The following KANK3 variants were observed in gnomAD, a reference collection of about 807,000 sequenced individuals.
The protein encoded by KANK3 is KN motif and ankyrin repeat domain-containing protein 3.
A neutral mutation model predicts 65.4 loss-of-function variants in KANK3; 61 were observed. The ratio of observed to expected loss-of-function variants is 0.93; its 90% CI spans 0.76 to 1.15. The LOEUF (loss-of-function observed/expected upper bound fraction) is 1.15. Among genes scored for constraint, KANK3 ranks in the 50% most tolerant of loss-of-function variants. The pLI is 0.00. For synonymous variants in KANK3, 586 were observed against 543.3 expected, an observed-to-expected ratio of 1.08 and a Z score of -1.09; for missense variants, 1,187 against 1,178.8, an observed-to-expected ratio of 1.01 and a Z score of -0.10.
At position 8,333,884 on chromosome 19, in the gene KANK3, C is replaced by A; in HGVS notation, c.1634+26G>T. The A allele has an allele frequency of 6.4e-7, 1 of 1,565,880 alleles. No homozygotes were observed. Among genetic ancestry groups the A allele is most frequent in the Non-Finnish European group, 8.6e-7 (1 of 1,157,478 alleles). On this transcript the variant is annotated intron_variant, in intron 5 of 10. Coordinates refer to ENST00000330915, the MANE Select transcript of KANK3 (RefSeq NM_198471.3). The surrounding 1 kb of genome is among the most constrained non-coding windows in gnomAD (Gnocchi z 5.0). ...CAGGAGGAGGGCAGCCGCCTCCTCTCCAAACAACTAGCGAGCGCCGCTCAC... is the reference window on the plus strand; with the variant it reads ...CAGGAGGAGGGCAGCCGCCTCCTCTACAAACAACTAGCGAGCGCCGCTCAC...
At chr19:8,332,410 T>C (rs928050271) in intron 7 of KANK3, among the ~76,000 whole-genome samples, 1 of 151,458 alleles carries the variant, frequency 6.6e-6, no homozygotes. Context: ...ACTCCTGACC[T>C]CAAGTGATCT....
At position 8,325,296 on chromosome 19, in the gene KANK3, C is replaced by CTTTTTTTTTTTTTTTTTTTTTT. The variant is rs573315741; in HGVS notation, c.1937-222_1937-201dup. On this transcript the variant is annotated intron_variant, in intron 7 of 10. Coordinates refer to ENST00000330915, the MANE Select transcript of KANK3 (RefSeq NM_198471.3). The stretch of plus-strand genomic sequence containing the variant: ...TCAGTGAAGGACCTTCCTGTTTCAT[C>CTTTTTTTTTTTTTTTTTTTTTT]TTTTTTTTTTTTTTTTTTTTTTTTT... Among the ~76,000 whole-genome samples, 10 of 78,634 alleles carry CTTTTTTTTTTTTTTTTTTTTTT rather than the reference C, an allele frequency of 1.3e-4. 1 individual carries two copies. The highest frequency in any genetic ancestry group is 3.2e-4 in the African/African-American group (6 of 18,658). The allele number at this position is 78,634 out of a possible 152,430, so 51.6% of individuals were successfully genotyped here.
rs140941621 is a variant in KANK3 at position 8,327,238 on chromosome 19, C to T, written c.1937-2142G>A. On this transcript the variant is annotated intron_variant, in intron 7 of 10. Coordinates refer to ENST00000330915, the MANE Select transcript of KANK3 (RefSeq NM_198471.3). ...AATGGAGGCCAGGCATGGTGACTAA[C>T]GCCTGTACACCCAAATGCTTAGGGA... Among the ~76,000 whole-genome samples, 546 of 152,188 alleles carry T rather than the reference C, an allele frequency of 3.6e-3. 1 individual carries two copies. The highest frequency in any genetic ancestry group is 5.3e-3 in the Non-Finnish European group (360 of 68,014).
At position 8,335,638 on chromosome 19, in the gene KANK3, G is replaced by A. The variant is rs980515808; in HGVS notation, c.189C>T (p.Arg63=). 8 of 1,245,284 alleles carry A rather than the reference G, an allele frequency of 6.4e-6. No homozygotes were observed. The highest frequency in any genetic ancestry group is 4.2e-5 in the Admixed American group (1 of 23,662). 77.1% of individuals were successfully genotyped at this position (1,245,284 alleles called of 1,614,324 possible). The change falls in exon 3 of 11, where the codon CGC becomes CGT. Residue 63 remains arginine, a synonymous_variant. Transcript: ENST00000330915. ...EELERGPAAR[R]APGPPTSRRP... ...GGCGCGAGGTCGGGGGTCCCGGGGC[G>A]CGGCGGGCAGCGGGGCCACGCTCCA...
chr19:8,337,775 C>T lies in KANK3; in HGVS notation c.34+20G>A. On this transcript the variant is annotated intron_variant, in intron 2 of 10. Transcript: ENST00000330915. ...TGTGCATGCGCACACACACACACAT[C>T]TCTCTTTTTGCACACTCACCGGGCA... The T allele has an allele frequency of 6.2e-7, 1 of 1,612,286 alleles. No individual in the cohort carries two copies. The highest frequency in any genetic ancestry group is 8.5e-7 in the Non-Finnish European group (1 of 1,179,932).
chr19:8,329,604 C>T (rs1234691815), intron 7 of KANK3, among the ~76,000 whole-genome samples: 2 of 151,362 alleles, frequency 1.3e-5, no homozygotes, highest in Non-Finnish European at 2.9e-5. Context: ...CTGTCCCCAT[C>T]TAGAAACAGG....
At position 8,335,470 on chromosome 19, in the gene KANK3, C is replaced by G; in HGVS notation, c.357G>C (p.Leu119=). Reference sequence around the variant, plus strand: ...GGTTGCGCACGGGCGCGCGCGGCGACAGCGGCTGCATCAGGAGCCCCGAGG... The same window carrying G: ...GGTTGCGCACGGGCGCGCGCGGCGAGAGCGGCTGCATCAGGAGCCCCGAGG... ...GAPSGLLMQP[L]SPRAPVRNPR... Residue 119 remains leucine (L), a synonymous_variant, in exon 3 of 11, where the codon CTG becomes CTC. Transcript: ENST00000330915. The G allele has an allele frequency of 8.1e-7, 1 of 1,235,398 alleles. No homozygotes were observed. The highest frequency in any genetic ancestry group is 1.0e-6 in the Non-Finnish European group (1 of 986,146). The allele number at this position is 1,235,398 out of a possible 1,614,324, so 76.5% of individuals were successfully genotyped here.
At position 8,341,572 on chromosome 19, in the gene KANK3, G is replaced by A. The variant is rs571977016; in HGVS notation, c.-29+1653C>T. Among the ~76,000 whole-genome samples the A allele has an allele frequency of 3.8e-3, 582 of 152,234 alleles. 2 individuals are homozygous for A. The highest frequency in any genetic ancestry group is 5.8e-3 in the Non-Finnish European group (397 of 68,020). On this transcript the variant is annotated intron_variant, in intron 1 of 10. Coordinates refer to ENST00000330915, the MANE Select transcript of KANK3 (RefSeq NM_198471.3). ...ATTACAGGTGTGCACCACCATGCCT[G>A]GCTAATTTTTGTATTTTTAGTAGAG...
At chr19:8,329,208 T>C (rs2972574) in intron 7 of KANK3, among the ~76,000 whole-genome samples, 87,064 of 146,500 alleles carry the variant, frequency 0.59, 26,470 homozygotes, top group African/African-American at 0.73. Context: ...AAGTGCCGGC[T>C]GGGTGCGGTT....
At chr19:8,331,288 C>T (rs971345272) in intron 7 of KANK3, among the ~76,000 whole-genome samples, 4 of 152,122 alleles carry the variant, frequency 2.6e-5, no homozygotes, top group Non-Finnish European at 4.4e-5. Context: ...TGACCAACGA[C>T]GCCTACTTCC....
Position 8,325,238 on chromosome 19 carries a change from C to T in KANK3, c.1937-142G>A, listed in dbSNP as rs544842477. ...TCCCCACAATAGCTACCTGGTTCCT[C>T]CCTCACTAAGGTGTTGCTCAAATAC... is the stretch of plus-strand genomic sequence containing the variant. On this transcript the variant is annotated intron_variant, in intron 7 of 10. Coordinates refer to ENST00000330915, the MANE Select transcript of KANK3 (RefSeq NM_198471.3). The T allele has an allele frequency of 1.8e-4, 146 of 811,888 alleles. No homozygotes were observed. The Middle Eastern group carries it at 5.3e-3, about 30-fold the overall frequency. The allele number at this position is 811,888 out of a possible 1,614,324, so 50.3% of individuals were successfully genotyped here.
In KANK3 at chr19:8,324,519, A is replaced by G; in HGVS notation, c.2312T>C (p.Leu771Pro). 2 of 1,613,708 alleles carry G rather than the reference A, an allele frequency of 1.2e-6. No individual in the cohort carries two copies. The highest frequency in any genetic ancestry group is 2.2e-5 in the South Asian group (2 of 91,046). Residue 771 changes from leucine (L) to proline (P), a missense_variant, in exon 10 of 11, where the codon CTG becomes CCG. Physicochemically the swap from Leu to Pro is moderately conservative, Grantham distance 98. Coordinates refer to ENST00000330915, the MANE Select transcript of KANK3 (RefSeq NM_198471.3). ...NEGTSALAIA[L>P]EAEQDEVAAL... ...GGCCACCTCATCCTGCTCAGCCTCC[A>G]GGGCGATGGCCAGGGCACTGGTGCC...
chr19:8,339,343 G>A (rs974453528), intron 1 of KANK3, among the ~76,000 whole-genome samples: 10 of 149,088 alleles, frequency 6.7e-5, no homozygotes, highest in South Asian at 2.1e-4. Flanking sequence ...GCAACATAGC[G>A]AGACCCTATC....
rs1427513308 is a variant in KANK3, at chr19:8,334,370, T to C, written c.1377A>G (p.Gln459=). ...MKKRDGTPGA[Q]PSSGPKSLQF... ...GCAGGCTCTTGGGTCCGGAGCTGGG[T>C]TGGGCACCAGGTGTGCCGTCTCTCT... The change falls in exon 4 of 11, where the codon CAA becomes CAG. Residue 459 remains glutamine, a synonymous_variant. Coordinates refer to ENST00000330915, the MANE Select transcript of KANK3 (RefSeq NM_198471.3). 2 of 1,613,972 alleles carry C rather than the reference T, an allele frequency of 1.2e-6. No individual in the cohort carries two copies. The highest frequency in any genetic ancestry group is 2.7e-5 in the African/African-American group (2 of 74,914).
chr19:8,328,574 GGAT>G (rs1970469702), intron 7 of KANK3, among the ~76,000 whole-genome samples: 1 of 152,072 alleles, frequency 6.6e-6, no homozygotes, highest in Non-Finnish European at 1.5e-5. Context: ...GGCTGAAGGA[GGAT>G]GACAGAGGCA....
rs930215615 is a variant in KANK3, at chr19:8,327,858, G to A, written c.1937-2762C>T. On this transcript the variant is annotated intron_variant, in intron 7 of 10. Coordinates refer to ENST00000330915, the MANE Select transcript of KANK3 (RefSeq NM_198471.3). ...CTTCCACTAAGACACCGTGTAAGGC[G>A]TCAGGTGGTCAGGGAGGAGCACCCA... Among the ~76,000 whole-genome samples, 5 of 152,306 alleles carry A rather than the reference G, an allele frequency of 3.3e-5. No homozygotes were observed. In the South Asian group the frequency reaches 6.2e-4, roughly 19 times the overall value.
chr19:8,330,132 GAGA>G (rs918858756), intron 7 of KANK3, among the ~76,000 whole-genome samples: 6 of 152,166 alleles, frequency 3.9e-5, no homozygotes, highest in African/African-American at 9.7e-5. Flanking sequence ...TCTGGAAGTG[GAGA>G]AGAAGAGCAA....
chr19:8,332,988 C>CT, intron 7 of KANK3, 26 bp downstream of exon 7: 9 of 262,886 alleles, frequency 3.4e-5, no homozygotes, highest in Middle Eastern at 1.1e-3. Context: ...TTCCTGGTGT[C>CT]CCACCCACCC....
chr19:8,329,270 T>C (rs2972575), intron 7 of KANK3, among the ~76,000 whole-genome samples: 23,835 of 150,360 alleles, frequency 0.16, 2,153 homozygotes, highest in Non-Finnish European at 0.21. Flanking sequence ...GCAGATCACC[T>C]GAGGTCAGGA....
Sources: gnomAD v4.1 joint callset for allele counts (sites outside exome capture counted in the v4.1 genomes callset) on GRCh38, gnomAD v4.1.1 for gene constraint, Gnocchi (gnomAD v3.1) non-coding constraint, MANE v1.5 for transcripts, NCBI Gene and HGNC (gene_info 2026-07-23, HGNC 2026-07-21) for gene names.